The following MLIP variants were observed in gnomAD, a reference collection of about 807,000 sequenced individuals.
MLIP encodes the protein muscular LMNA-interacting protein.
MLIP carries 79 observed loss-of-function variants against 84.8 expected under a neutral mutation model. The observed-to-expected ratio is 0.93, with a 90% CI of 0.78 to 1.12. The LOEUF (loss-of-function observed/expected upper bound fraction) is 1.12. MLIP is among the 50% of genes most tolerant of loss of function. The pLI is 0.00. For synonymous variants in MLIP, 504 were observed against 463.0 expected (o/e 1.09, Z -1.14); for missense variants, 1,257 against 1,160.6 (o/e 1.08, Z -1.21).
At position 54,149,061 on chromosome 6, in the gene MLIP, C is replaced by T; in HGVS notation, c.2223C>T (p.Tyr741=). ...TGPENKKSKQ[Y]KTKSSYKAFA... is the part of the protein sequence containing the mutation. ...TTTCTGGTTGCCCATTCTAGCAATA[C>T]AAGACCAAGTCAAGCTACAAGGCTT... is the stretch of plus-strand genomic sequence containing the variant. Residue 741 remains tyrosine, a synonymous_variant, in exon 5 of 14, where the codon TAC becomes TAT. Coordinates refer to ENST00000502396, the MANE Select transcript of MLIP (RefSeq NM_001281747.2). The T allele has an allele frequency of 6.2e-7, 1 of 1,612,710 alleles. No individual in the cohort carries two copies. The highest frequency in any genetic ancestry group is 8.5e-7 in the Non-Finnish European group (1 of 1,179,120).
At chr6:54,243,911 T>C (rs779341266) in intron 12 of MLIP, among the ~76,000 whole-genome samples, 5 of 152,150 alleles carry the variant, frequency 3.3e-5, no homozygotes, top group Non-Finnish European at 5.9e-5. Flanking sequence ...GGCCATGGCA[T>C]GAGTTACTGG....
At chr6:54,218,437 T>C (rs529693594) in intron 11 of MLIP, among the ~76,000 whole-genome samples, 2 of 152,228 alleles carry the variant, frequency 1.3e-5, no homozygotes, top group Admixed American at 1.3e-4. Flanking sequence ...GGTGAATCAG[T>C]GAGTGAGTGG....
intron 1 of MLIP, 24 bp from the exon 2 acceptor site, chr6:54,121,423 T>C (rs1369592029): frequency 1.9e-6 from 3 of 1,610,470 alleles, no homozygotes; most frequent in African/African-American, 2.7e-5. Flanking sequence ...AGGCTGAAAG[T>C]CTAATTAACT....
At chr6:54,080,638 A>G (rs187440971) in intron 1 of MLIP, among the ~76,000 whole-genome samples, 2 of 149,554 alleles carry the variant, frequency 1.3e-5, no homozygotes, top group African/African-American at 2.5e-5. Flanking sequence ...GTCTGAGAAA[A>G]CATATTTTTA....
intron 1 of MLIP, among the ~76,000 whole-genome samples, chr6:54,059,729 T>C (rs1325699383): frequency 1.3e-5 from 2 of 152,136 alleles, no homozygotes; most frequent in Non-Finnish European, 2.9e-5. Context: ...TATCTAAAGG[T>C]TAGAATTTTT....
At chr6:54,132,088 A>G (rs116666385) in intron 3 of MLIP, among the ~76,000 whole-genome samples, 1,875 of 152,246 alleles carry the variant, frequency 0.012, 45 homozygotes, top group African/African-American at 0.041. Flanking sequence ...GTTTTTCAAG[A>G]TACTGCTTCT....
At chr6:54,224,372 GA>G (rs1302242318) in intron 11 of MLIP, among the ~76,000 whole-genome samples, 1 of 148,308 alleles carries the variant, frequency 6.7e-6, no homozygotes, top group African/African-American at 2.5e-5. Context: ...AAAATACCTA[GA>G]AAAATATAAA....
At chr6:54,057,054 T>C (rs983851811) in intron 1 of MLIP, among the ~76,000 whole-genome samples, 1 of 152,242 alleles carries the variant, frequency 6.6e-6, no homozygotes, top group African/African-American at 2.4e-5. Context: ...GCATTTTATA[T>C]GTATTCACTC....
intron 3 of MLIP, among the ~76,000 whole-genome samples, chr6:54,133,174 G>A (rs967343367): frequency 1.3e-5 from 2 of 152,144 alleles, no homozygotes; most frequent in Admixed American, 1.3e-4. Flanking sequence ...GTAGTTCATG[G>A]TAGACACAAA....
intron 1 of MLIP, among the ~76,000 whole-genome samples, chr6:54,042,901 A>AT (rs1382822528): frequency 6.6e-6 from 1 of 152,164 alleles, no homozygotes; most frequent in Non-Finnish European, 1.5e-5. Flanking sequence ...TAGTAATGAA[A>AT]TTTTTGCTGA....
Position 54,169,591 on chromosome 6 carries a change from A to T in MLIP, c.2544+19A>T. ...CAAATATGTAAGTACCTTTATAATT[A>T]TACACACTGCTTTTCAAATGGGTGC... On this transcript the variant is annotated intron_variant, in intron 9 of 13. Transcript: ENST00000502396. The T allele has an allele frequency of 6.4e-7, 1 of 1,559,904 alleles. No individual in the cohort carries two copies. Among genetic ancestry groups the T allele is most frequent in the South Asian group, 1.2e-5 (1 of 83,716 alleles).
At position 54,137,714 on chromosome 6, in the gene MLIP, G is replaced by A; in HGVS notation, c.1645G>A (p.Gly549Ser). The A allele has an allele frequency of 6.5e-7, 1 of 1,535,966 alleles. No individual in the cohort carries two copies. Among genetic ancestry groups the A allele is most frequent in the Non-Finnish European group, 8.7e-7 (1 of 1,146,872 alleles). The change falls in exon 4 of 14, where the codon GGT becomes AGT. Residue 549 changes from glycine (G) to serine (S), a missense_variant. Gly to Ser is a moderately conservative substitution (Grantham distance 56). Coordinates refer to ENST00000502396, the MANE Select transcript of MLIP (RefSeq NM_001281747.2). ...LLQTSTSSSV[G>S]LPPVPPSSSL... ...ACAAACCAGTACATCCAGTTCTGTG[G>A]GTCTTCCTCCTGTTCCACCAAGCTC...
chr6:54,244,421 C>T (rs1437738540), intron 12 of MLIP, among the ~76,000 whole-genome samples: 1 of 151,972 alleles, frequency 6.6e-6, no homozygotes, highest in Admixed American at 6.6e-5. Context: ...TTTGACGATG[C>T]CAAATTGTTT....
chr6:54,064,044 TA>T lies in MLIP; in HGVS notation c.63+44955del, dbSNP rs1766133135. Among the ~76,000 whole-genome samples, 3 of 100,138 alleles carry T rather than the reference TA, an allele frequency of 3.0e-5. 1 individual carries two copies. The highest frequency in any genetic ancestry group is 8.6e-5 in the Non-Finnish European group (3 of 34,888). The allele number at this position is 100,138 out of a possible 152,430, so 65.7% of individuals were successfully genotyped here. On this transcript the variant is annotated intron_variant, in intron 1 of 12. Transcript: ENST00000274897. ...TATAGTATTGATGATCCTTATTTTC[TA>T]ACTACTAAAAATTATTGGTTTTAGT...
chr6:54,243,284 G>C (rs145268870), intron 12 of MLIP, among the ~76,000 whole-genome samples: 1 of 152,232 alleles, frequency 6.6e-6, no homozygotes, highest in East Asian at 1.9e-4. Context: ...CCAGCTAGAG[G>C]GGGCAGCAAG....
chr6:54,252,869 G>A (rs541388020), intron 12 of MLIP, among the ~76,000 whole-genome samples: 30 of 152,186 alleles, frequency 2.0e-4, no homozygotes, highest in African/African-American at 7.0e-4. Flanking sequence ...ACTTACTTGT[G>A]TGATAGTTCT....
At chr6:54,128,173 G>C (rs1003342752) in intron 3 of MLIP, among the ~76,000 whole-genome samples, 2 of 152,146 alleles carry the variant, frequency 1.3e-5, no homozygotes, top group African/African-American at 4.8e-5. Context: ...GTGGGGATGG[G>C]AAGAGATTAG....
chr6:54,093,723 G>T (rs9357788), intron 1 of MLIP, among the ~76,000 whole-genome samples: 1 of 152,176 alleles, frequency 6.6e-6, no homozygotes, highest in African/African-American at 2.4e-5. Flanking sequence ...ATCCGCACAG[G>T]CACACTTATT....
chr6:54,210,747 T>A lies in MLIP; in HGVS notation c.2718+8514T>A, dbSNP rs9382306. 5.9e-3 allele frequency among the ~76,000 whole-genome samples: 476 copies of A among 80,010 alleles called. 11 individuals are homozygous for A. Among genetic ancestry groups the A allele is most frequent in the South Asian group, 0.044 (99 of 2,236 alleles). The allele number at this position is 80,010 out of a possible 152,430, so 52.5% of individuals were successfully genotyped here. A position where few individuals can be genotyped will look rare whatever the true frequency, so the allele number is the denominator to read the frequency against. On this transcript the variant is annotated intron_variant, in intron 11 of 13. Transcript: ENST00000502396. Reference sequence around the variant, plus strand: ...AACGGAGGGAAAAAAAAAAAAAAAATGTTCTAATGTTCAAATAAGGGCATC... The same window carrying A: ...AACGGAGGGAAAAAAAAAAAAAAAAAGTTCTAATGTTCAAATAAGGGCATC...
Sources: allele counts gnomAD v4.1 joint callset (sites outside exome capture counted in the v4.1 genomes callset), GRCh38; gene constraint gnomAD v4.1.1; transcripts MANE v1.5; gene names NCBI Gene and HGNC (gene_info 2026-07-23, HGNC 2026-07-21).